LARGE1: variants seen among roughly 807,000 people sequenced by gnomAD.
LARGE1 encodes LARGE xylosyl- and glucuronyltransferase 1.
Under a neutral mutation model 87.6 loss-of-function variants are expected in LARGE1, and 43 were observed. The ratio of observed to expected loss-of-function variants is 0.49; its 90% CI spans 0.38 to 0.63. The LOEUF is 0.63. Among genes scored for constraint, LARGE1 ranks in the 30% least tolerant of loss-of-function variants. The pLI is 0.00. For synonymous variants in LARGE1, 434 were observed against 394.6 expected, an observed-to-expected ratio of 1.10 and a Z score of -1.18; for missense variants, 802 against 1,000.2, an observed-to-expected ratio of 0.80 and a Z score of 2.67.
chr22:33,073,154 T>C, the LARGE1 span, among the ~76,000 whole-genome samples: 1 of 152,250 alleles, frequency 6.6e-6, no homozygotes, highest in Non-Finnish European at 1.5e-5. Context: ...CTTCTATTTC[T>C]GTTCAGGAAA....
At chr22:33,606,791 C>T (rs922813798) in intron 4 of LARGE1, among the ~76,000 whole-genome samples, 3 of 152,164 alleles carry the variant, frequency 2.0e-5, no homozygotes, top group African/African-American at 4.8e-5. Context: ...CCACCCTGCA[C>T]CTCCACATTC....
chr22:33,510,863 A>G (rs1306983692), intron 6 of LARGE1, among the ~76,000 whole-genome samples: 1 of 152,352 alleles, frequency 6.6e-6, no homozygotes, highest in South Asian at 2.1e-4. Flanking sequence ...CTGGGATTAC[A>G]GGCGTGAGCT....
At chr22:33,362,447 C>T (rs2064421519) in intron 9 of LARGE1, among the ~76,000 whole-genome samples, 1 of 149,686 alleles carries the variant, frequency 6.7e-6, no homozygotes, top group South Asian at 2.2e-4. Flanking sequence ...ACTTTTGCCT[C>T]TTCAGTGAAA....
At chr22:33,178,098 G>A (rs1176469721) in intron 11 of LARGE1, among the ~76,000 whole-genome samples, 1 of 152,114 alleles carries the variant, frequency 6.6e-6, no homozygotes, top group Non-Finnish European at 1.5e-5. Context: ...CCCGGTCTTA[G>A]GTAGTATCTT....
intron 1 of LARGE1, among the ~76,000 whole-genome samples, chr22:33,773,909 A>C (rs1205983791): frequency 6.6e-6 from 1 of 152,232 alleles, no homozygotes; most frequent in East Asian, 1.9e-4. Flanking sequence ...TGTTCGACCA[A>C]TCAAAATCTA....
intron 9 of LARGE1, among the ~76,000 whole-genome samples, chr22:33,380,081 T>G (rs2065110974): frequency 6.6e-6 from 1 of 152,246 alleles, no homozygotes; most frequent in Non-Finnish European, 1.5e-5. Context: ...TCATTGTTTC[T>G]GGCCTTTGCT....
chr22:33,710,641 T>A (rs2082705062), intron 2 of LARGE1, among the ~76,000 whole-genome samples: 1 of 152,234 alleles, frequency 6.6e-6, no homozygotes, highest in Admixed American at 6.5e-5. Flanking sequence ...TTGATTTTTC[T>A]GAGCAGAGGA....
chr22:33,361,488 C>G (rs1006422419), intron 9 of LARGE1, among the ~76,000 whole-genome samples: 1 of 149,550 alleles, frequency 6.7e-6, no homozygotes, highest in Non-Finnish European at 1.5e-5. Context: ...TCGTGTAGTC[C>G]TTGCACTTAC....
At chr22:33,835,981 G>A (rs946175141) in intron 1 of LARGE1, among the ~76,000 whole-genome samples, 12 of 152,192 alleles carry the variant, frequency 7.9e-5, no homozygotes, top group Non-Finnish European at 1.8e-4. Flanking sequence ...ACCCATAAAT[G>A]GGATTCTGTA....
intron 1 of LARGE1, among the ~76,000 whole-genome samples, chr22:33,875,713 G>A (rs190787303): frequency 1.2e-4 from 19 of 152,256 alleles, no homozygotes; most frequent in Admixed American, 5.9e-4. Flanking sequence ...GCCTGATTTC[G>A]TTTAATTGGA....
chr22:33,716,145 T>C (rs1378184156), intron 2 of LARGE1, among the ~76,000 whole-genome samples: 2 of 152,168 alleles, frequency 1.3e-5, no homozygotes, highest in Non-Finnish European at 2.9e-5. Context: ...TCTGTTCCCA[T>C]AAAATGACTC....
chr22:33,691,056 G>A (rs1321752630), intron 2 of LARGE1, among the ~76,000 whole-genome samples: 2 of 152,198 alleles, frequency 1.3e-5, no homozygotes, highest in Non-Finnish European at 2.9e-5. Context: ...TCTCCAGGGG[G>A]ACCCCAGGTT....
chr22:33,850,310 C>T (rs1366446122), intron 1 of LARGE1, among the ~76,000 whole-genome samples: 1 of 152,150 alleles, frequency 6.6e-6, no homozygotes, highest in Non-Finnish European at 1.5e-5. Context: ...TAATAGCTCT[C>T]ATATCCTAGG....
chr22:33,874,885 G>A (rs2064415060), intron 1 of LARGE1, among the ~76,000 whole-genome samples: 1 of 152,176 alleles, frequency 6.6e-6, no homozygotes, highest in Non-Finnish European at 1.5e-5. Flanking sequence ...TGCTTTACAT[G>A]GATTAATAAT....
intron 2 of LARGE1, among the ~76,000 whole-genome samples, chr22:33,713,758 A>G (rs538592819): frequency 3.0e-4 from 46 of 152,056 alleles, no homozygotes; most frequent in African/African-American, 1.1e-3. Flanking sequence ...GGAGTTCAAG[A>G]CCAGCGTGGG....
At chr22:33,625,383 C>G (rs1453503135) in intron 4 of LARGE1, among the ~76,000 whole-genome samples, 3 of 152,186 alleles carry the variant, frequency 2.0e-5, no homozygotes, top group African/African-American at 7.2e-5. Flanking sequence ...AAGAGATGAG[C>G]ATCCAGAGGC....
intron 2 of LARGE1, among the ~76,000 whole-genome samples, chr22:33,748,460 A>G (rs1021365814): frequency 1.3e-5 from 2 of 152,212 alleles, no homozygotes; most frequent in Non-Finnish European, 2.9e-5. Context: ...CCAGAAGTAC[A>G]GTCAACATAT....
At chr22:33,888,143 T>A (rs1453978027) in intron 1 of LARGE1, among the ~76,000 whole-genome samples, 1 of 152,176 alleles carries the variant, frequency 6.6e-6, no homozygotes. Flanking sequence ...GAGGGACCAC[T>A]TTGTACCAAA....
chr22:33,572,260 T>G lies in LARGE1; in HGVS notation c.616-7241A>C, dbSNP rs879217339. 5 of 1,242,960 alleles carry G rather than the reference T, an allele frequency of 4.0e-6. No homozygotes were observed. The South Asian group carries it at 5.4e-5, about 13-fold the overall frequency. 77.0% of individuals were successfully genotyped at this position (1,242,960 alleles called of 1,614,324 possible). On this transcript the variant is annotated intron_variant, in intron 5 of 14. Transcript: ENST00000397394. ...AAAGTCATTTGCCTTTCATGTTGTT[T>G]CTGAGTGGTTGTCTTGGCAACCAAC...
Sources: allele counts gnomAD v4.1 joint callset (sites outside exome capture counted in the v4.1 genomes callset), GRCh38; gene constraint gnomAD v4.1.1; transcripts MANE v1.5; gene names NCBI Gene and HGNC (gene_info 2026-07-23, HGNC 2026-07-21).